Variants in PACRG observed in about 807,000 individuals in gnomAD.
PACRG encodes parkin coregulated.
In PACRG, 29 loss-of-function variants were observed where a neutral mutation model predicts 29.7. That is an observed-to-expected ratio of 0.98 (90% CI 0.73 to 1.33). The LOEUF (loss-of-function observed/expected upper bound fraction) is 1.33. PACRG is among the 40% of genes most tolerant of loss of function. PACRG has a pLI of 0.00. For synonymous variants in PACRG, 116 were observed against 118.7 expected (o/e 0.98, Z 0.15); for missense variants, 279 against 316.2 (o/e 0.88, Z 0.89).
At chr6:162,779,499 C>T (rs1441912853) in intron 1 of PACRG, among the ~76,000 whole-genome samples, 1 of 152,172 alleles carries the variant, frequency 6.6e-6, no homozygotes, top group Non-Finnish European at 1.5e-5. Flanking sequence ...AGAGAAAATT[C>T]ACTTTTATTT....
At chr6:163,273,792 A>C (rs1783928069) in intron 4 of PACRG, among the ~76,000 whole-genome samples, 1 of 151,814 alleles carries the variant, frequency 6.6e-6, no homozygotes, top group South Asian at 2.1e-4. Flanking sequence ...CTTATTTTGT[A>C]GTTCTGCTGT....
intron 4 of PACRG, among the ~76,000 whole-genome samples, chr6:163,299,995 A>G (rs1218087276): frequency 6.6e-6 from 1 of 152,252 alleles, no homozygotes; most frequent in Non-Finnish European, 1.5e-5. Context: ...CAGAGCTCCC[A>G]GTACAGATAT....
chr6:162,983,636 C>T (rs1355229116), intron 2 of PACRG, among the ~76,000 whole-genome samples: 1 of 151,970 alleles, frequency 6.6e-6, no homozygotes, highest in East Asian at 1.9e-4. Flanking sequence ...AGATAGGACC[C>T]CAATCCCTTC....
chr6:163,218,568 G>A (rs1781456551), intron 4 of PACRG, among the ~76,000 whole-genome samples: 1 of 152,080 alleles, frequency 6.6e-6, no homozygotes, highest in Non-Finnish European at 1.5e-5. Context: ...AATGCCTCAT[G>A]TCAGGGCCCC....
chr6:162,800,266 C>T (rs1373243515), intron 1 of PACRG, among the ~76,000 whole-genome samples: 1 of 152,136 alleles, frequency 6.6e-6, no homozygotes, highest in Non-Finnish European at 1.5e-5. Context: ...TTGATTGTTG[C>T]ATCTCATTTT....
chr6:163,049,605 C>T (rs1301568914), intron 2 of PACRG, among the ~76,000 whole-genome samples: 1 of 151,940 alleles, frequency 6.6e-6, no homozygotes, highest in Non-Finnish European at 1.5e-5. Context: ...TGAAATAGGC[C>T]AATGCCTCAG....
chr6:162,792,889 A>C (rs1165220138), intron 1 of PACRG, among the ~76,000 whole-genome samples: 1 of 152,174 alleles, frequency 6.6e-6, no homozygotes, highest in Non-Finnish European at 1.5e-5. Flanking sequence ...AGAATGCAAA[A>C]TGAGAGGTGA....
At chr6:162,744,976 CAA>C (rs1491098486) in intron 1 of PACRG, among the ~76,000 whole-genome samples, 6 of 151,884 alleles carry the variant, frequency 4.0e-5, no homozygotes, top group Non-Finnish European at 7.4e-5. Flanking sequence ...CAATAGGTAA[CAA>C]TATTTATTTA....
At chr6:162,792,702 G>C (rs1785056064) in intron 1 of PACRG, among the ~76,000 whole-genome samples, 1 of 152,178 alleles carries the variant, frequency 6.6e-6, no homozygotes, top group Non-Finnish European at 1.5e-5. Context: ...GAAAAGTCAG[G>C]CTTCTGTTAG....
At chr6:163,193,684 G>A (rs1053079018) in intron 4 of PACRG, among the ~76,000 whole-genome samples, 1 of 151,886 alleles carries the variant, frequency 6.6e-6, no homozygotes, top group African/African-American at 2.4e-5. Context: ...TATTGAACTC[G>A]ACAAATTTTC....
At chr6:163,126,944 C>T (rs1025166610) in intron 4 of PACRG, among the ~76,000 whole-genome samples, 1 of 152,324 alleles carries the variant, frequency 6.6e-6, no homozygotes, top group African/African-American at 2.4e-5. Flanking sequence ...GGTGGAAACA[C>T]AGGTCAAGTG....
chr6:163,230,709 T>C (rs6455876), intron 4 of PACRG, among the ~76,000 whole-genome samples: 85,447 of 151,176 alleles, frequency 0.57, 24,893 homozygotes, highest in African/African-American at 0.7. Context: ...TCAAAATCCC[T>C]AAAACGTGGT....
intron 4 of PACRG, among the ~76,000 whole-genome samples, chr6:163,111,357 T>G (rs1815704220): frequency 6.6e-6 from 1 of 152,206 alleles, no homozygotes; most frequent in South Asian, 2.1e-4. Context: ...TAGATGCTAT[T>G]GATAATTAGT....
intron 4 of PACRG, among the ~76,000 whole-genome samples, chr6:163,105,989 T>C (rs2128316492): frequency 6.6e-6 from 1 of 152,300 alleles, no homozygotes; most frequent in Non-Finnish European, 1.5e-5. Context: ...AGTTCTTTTG[T>C]GTTAACTGTC....
chr6:163,022,276 C>T (rs992760886), intron 2 of PACRG, among the ~76,000 whole-genome samples: 3 of 152,216 alleles, frequency 2.0e-5, no homozygotes, highest in Non-Finnish European at 4.4e-5. Context: ...AGTCCCTGCC[C>T]TTGCTGTACT....
chr6:162,962,187 G>A (rs1461618180), intron 2 of PACRG, among the ~76,000 whole-genome samples: 1 of 152,098 alleles, frequency 6.6e-6, no homozygotes, highest in African/African-American at 2.4e-5. Context: ...TCTTCTCTCT[G>A]CCTCTGTACC....
intron 4 of PACRG, among the ~76,000 whole-genome samples, chr6:163,100,346 C>T (rs139996335): frequency 6.6e-6 from 1 of 152,198 alleles, no homozygotes; most frequent in Non-Finnish European, 1.5e-5. Context: ...GCCCGGCGTG[C>T]TGCCCGGACT....
At chr6:162,995,349 G>A (rs575228657) in intron 2 of PACRG, among the ~76,000 whole-genome samples, 19 of 151,402 alleles carry the variant, frequency 1.3e-4, no homozygotes, top group South Asian at 6.3e-4. Flanking sequence ...CCTCGCTGCC[G>A]CCTTGCAGTT....
At chr6:163,159,755 TC>T (rs1226779866) in intron 4 of PACRG, among the ~76,000 whole-genome samples, 4 of 152,226 alleles carry the variant, frequency 2.6e-5, no homozygotes, top group African/African-American at 9.6e-5. Flanking sequence ...GCAATAGTAT[TC>T]TAAAGGAATA....
Sources: gnomAD v4.1 joint callset for allele counts (sites outside exome capture counted in the v4.1 genomes callset) on GRCh38, gnomAD v4.1.1 for gene constraint, MANE v1.5 for transcripts, NCBI Gene and HGNC (gene_info 2026-07-23, HGNC 2026-07-21) for gene names.